EDRF1: variants seen among roughly 807,000 people sequenced by gnomAD.
EDRF1 encodes the protein erythroid differentiation regulatory factor 1, also known as erythroid differentiation-related factor 1.
In EDRF1, 69 loss-of-function variants were observed where a neutral mutation model predicts 148.7. The observed-to-expected ratio is 0.46, with a 90% confidence interval of 0.38 to 0.57. The LOEUF is 0.57. Ranked by LOEUF, EDRF1 falls within the 20% of genes least tolerant of loss-of-function variation. The pLI is 0.00. For synonymous variants in EDRF1, 515 were observed against 532.8 expected, an observed-to-expected ratio of 0.97 and a Z score of 0.46; for missense variants, 1,118 against 1,478.7, an observed-to-expected ratio of 0.76 and a Z score of 4.00.
chr10:125,730,015 G>A (rs1848423189), intron 8 of EDRF1, among the ~76,000 whole-genome samples: 1 of 152,238 alleles, frequency 6.6e-6, no homozygotes, highest in African/African-American at 2.4e-5. Flanking sequence ...GGAGCAGGCA[G>A]TAGGCTCACC....
intron 24 of EDRF1, among the ~76,000 whole-genome samples, chr10:125,758,240 C>T (rs1028864721): frequency 1.9e-4 from 29 of 152,304 alleles, no homozygotes; most frequent in African/African-American, 7.0e-4. Flanking sequence ...TCTGACCTTG[C>T]GTGGCATCCA....
At chr10:125,732,542 C>T (rs974814551) in intron 9 of EDRF1, among the ~76,000 whole-genome samples, 1 of 152,088 alleles carries the variant, frequency 6.6e-6, no homozygotes, top group Non-Finnish European at 1.5e-5. Flanking sequence ...ACATTGGAGC[C>T]TCTCCTCATA....
chr10:125,727,761 T>C (rs954277893), intron 6 of EDRF1, among the ~76,000 whole-genome samples: 12 of 152,310 alleles, frequency 7.9e-5, no homozygotes, highest in African/African-American at 2.9e-4. Context: ...AACACACGCA[T>C]GCCTGTCTTG....
rs543644910 is a variant in EDRF1 at position 125,763,228 on chromosome 10, G to A, written c.3546-73G>A. On this transcript the variant is annotated intron_variant, in intron 24 of 24. Coordinates refer to ENST00000356792, the MANE Select transcript of EDRF1 (RefSeq NM_001202438.2). This position sits in a 1 kb window ranked among gnomAD's most constrained non-coding sequence, Gnocchi z 4.3. ...GTGACTGTTGGGCTGTCACTGTCCG[G>A]TTTTCTGGACCTCTGAATTGTCGGT... is the stretch of plus-strand genomic sequence containing the variant. 101 of 1,484,358 alleles carry A rather than the reference G, an allele frequency of 6.8e-5. 1 individual carries two copies. The Admixed American group carries it at 1.7e-3, about 25-fold the overall frequency. 91.9% of individuals were successfully genotyped at this position (1,484,358 alleles called of 1,614,324 possible). A position where few individuals can be genotyped will look rare whatever the true frequency, so the allele number is the denominator to read the frequency against.
intron 24 of EDRF1, chr10:125,761,401 C>A (rs1488333872): frequency 5.0e-6 from 1 of 201,788 alleles, no homozygotes; most frequent in Non-Finnish European, 1.0e-5. Context: ...GGCCTCTTAA[C>A]ATTTTGGTGG....
At chr10:125,722,936 C>T in intron 2 of EDRF1, 132 bp from the exon 3 acceptor site, 2 of 831,074 alleles carry the variant, frequency 2.4e-6, no homozygotes, top group Non-Finnish European at 4.2e-6. Flanking sequence ...TGATACACAT[C>T]CTGGTTTCAG....
Position 125,741,195 on chromosome 10 carries a change from T to C in EDRF1, c.2365T>C (p.Cys789Arg). The C allele has an allele frequency of 6.2e-7, 1 of 1,614,172 alleles. No homozygotes were observed. The highest frequency in any genetic ancestry group is 8.5e-7 in the Non-Finnish European group (1 of 1,180,006). Residue 789 changes from cysteine (C) to arginine (R), a missense_variant, in exon 17 of 25, where the codon TGC becomes CGC. By Grantham distance (180) the Cys-to-Arg change is radical (BLOSUM62 -3). Around this residue, in one of 3 missense-constraint regions of EDRF1, gnomAD observed 954 missense variants for 1,241.4 expected, o/e 0.77. Transcript: ENST00000356792. Reference sequence around the variant, plus strand: ...GCATAGCCTTCACAGAGAGTCCAGTTGCCAAGGTGTGCCACAGGCTTGGAC... The same window carrying C: ...GCATAGCCTTCACAGAGAGTCCAGTCGCCAAGGTGTGCCACAGGCTTGGAC... Reference protein sequence around the residue: ...ILHSLHRESSCQGFAWATDLS... With the variant: ...ILHSLHRESSRQGFAWATDLS...
intron 12 of EDRF1, among the ~76,000 whole-genome samples, chr10:125,734,758 A>G (rs371782283): frequency 1.2e-3 from 184 of 152,242 alleles, no homozygotes; most frequent in African/African-American, 4.1e-3. Flanking sequence ...TCCCTCAGTC[A>G]TGCTCCCAAC....
chr10:125,755,587 A>T (rs1478047475), intron 24 of EDRF1, among the ~76,000 whole-genome samples: 1 of 152,230 alleles, frequency 6.6e-6, no homozygotes, highest in Non-Finnish European at 1.5e-5. Flanking sequence ...TTCATTAAAC[A>T]TGTAGTAGAA....
intron 12 of EDRF1, among the ~76,000 whole-genome samples, chr10:125,734,789 C>A (rs1237462465): frequency 3.3e-5 from 5 of 152,138 alleles, no homozygotes; most frequent in Non-Finnish European, 7.4e-5. Context: ...CATCCTTACC[C>A]TCGGTTGTCT....
At chr10:125,736,901 C>G (rs569891749) in intron 13 of EDRF1, among the ~76,000 whole-genome samples, 5 of 152,112 alleles carry the variant, frequency 3.3e-5, no homozygotes, top group African/African-American at 1.2e-4. Flanking sequence ...TTTTGTCCTT[C>G]AAGGAGCCTA....
chr10:125,731,871 C>T (rs1345618465), intron 9 of EDRF1: 3 of 454,096 alleles, frequency 6.6e-6, no homozygotes, highest in Non-Finnish European at 1.3e-5. Context: ...TTAGCTACCT[C>T]ACATGCTGTT....
chr10:125,762,960 C>A (rs1289009985), intron 24 of EDRF1, among the ~76,000 whole-genome samples: 1 of 152,150 alleles, frequency 6.6e-6, no homozygotes, highest in Non-Finnish European at 1.5e-5. Flanking sequence ...CCCCTCCCCT[C>A]CCCCAAACTC....
At chr10:125,742,094 T>C in intron 17 of EDRF1, 2 of 569,588 alleles carry the variant, frequency 3.5e-6, no homozygotes, top group Non-Finnish European at 2.9e-6. Flanking sequence ...GGTATAACAG[T>C]TGGTGAAGGA....
At chr10:125,740,435 T>A (rs766577566) in intron 15 of EDRF1, 28 bp from the exon 16 acceptor site, 1 of 1,610,210 alleles carries the variant, frequency 6.2e-7, no homozygotes, top group African/African-American at 1.3e-5. Flanking sequence ...TGAAATGTGC[T>A]GTCTTTTTTT....
chr10:125,729,348 T>G lies in EDRF1; in HGVS notation c.895-10T>G. The G allele has an allele frequency of 6.2e-7, 1 of 1,612,446 alleles. No homozygotes were observed. The highest frequency in any genetic ancestry group is 2.2e-5 in the East Asian group (1 of 44,872). On this transcript the variant is annotated splice_polypyrimidine_tract_variant and intron_variant, in intron 7 of 24. Transcript: ENST00000356792. ...CTGTTTATTATAATCCTCCCTATTT[T>G]AAATCACAGGGTCTTAAAAATGATT...
intron 4 of EDRF1, among the ~76,000 whole-genome samples, chr10:125,724,395 G>T (rs1848154715): frequency 6.6e-6 from 1 of 152,128 alleles, no homozygotes; most frequent in Non-Finnish European, 1.5e-5. Context: ...GGTCCCATAA[G>T]ATTATAATAT....
intron 24 of EDRF1, among the ~76,000 whole-genome samples, chr10:125,760,191 G>A (rs184822143): frequency 1.3e-5 from 2 of 152,346 alleles, no homozygotes. Flanking sequence ...TCTAACAGCA[G>A]TGGGTAAAGT....
In EDRF1 at chr10:125,740,611, A is replaced by G. The variant is rs756328810; in HGVS notation, c.2130A>G (p.Gly710=). 1.6e-5 allele frequency: 26 copies of G among 1,613,958 alleles called. No individual in the cohort carries two copies. The highest frequency in any genetic ancestry group is 2.7e-5 in the African/African-American group (2 of 74,932). ...SDAAMSLQKY[G]RALRYIKLAL... is the part of the protein sequence containing the mutation. ...CTGCCATGAGTCTTCAGAAATACGG[A>G]AGAGCATTACGATACATTAAATTAG... The change falls in exon 16 of 25, where the codon GGA becomes GGG. Residue 710 remains glycine, a synonymous_variant. Coordinates refer to ENST00000356792, the MANE Select transcript of EDRF1 (RefSeq NM_001202438.2).
Sources: gnomAD v4.1 joint callset for allele counts (sites outside exome capture counted in the v4.1 genomes callset) on GRCh38, gnomAD v4.1.1 for gene constraint, gnomAD v4.1.1 regional missense constraint, Gnocchi (gnomAD v3.1) non-coding constraint, MANE v1.5 for transcripts, NCBI Gene and HGNC (gene_info 2026-07-23, HGNC 2026-07-21) for gene names.